The following ATG7 variants were observed in gnomAD, a reference collection of about 807,000 sequenced individuals.
The protein encoded by ATG7 is ubiquitin-like modifier-activating enzyme ATG7.
A neutral mutation model predicts 82.4 loss-of-function variants in ATG7; 70 were observed. That is an observed-to-expected ratio of 0.85 (90% confidence interval 0.70 to 1.04). The LOEUF is 1.04. ATG7 is among the 50% of genes least tolerant of loss of function. The pLI, the probability that ATG7 is intolerant of heterozygous loss-of-function variation, is 0.00. For missense variants in ATG7, 792 were observed against 864.3 expected (o/e 0.92, Z 1.05); for synonymous variants, 287 against 313.0 (o/e 0.92, Z 0.88).
rs369652535 is a variant in ATG7, at chr3:11,453,820, G to T, written c.2079+26894G>T. 2.4e-4 allele frequency among the ~76,000 whole-genome samples: 37 copies of T among 152,194 alleles called. 1 individual carries two copies. The highest frequency in any genetic ancestry group is 1.7e-3 in the South Asian group (8 of 4,802). On this transcript the variant is annotated intron_variant, in intron 20 of 20. Coordinates refer to ENST00000693202, the MANE Select transcript of ATG7 (RefSeq NM_001349232.2). ...TCAGTGATGGGGGAGTGCAAGGGGT[G>T]GGGGGGACATCTGGAGCCTGAAGCA...
At chr3:11,338,939 T>C (rs1188601563) in intron 11 of ATG7, among the ~76,000 whole-genome samples, 1 of 151,928 alleles carries the variant, frequency 6.6e-6, no homozygotes, top group Non-Finnish European at 1.5e-5. Context: ...AGCTGAAAAG[T>C]TTCCCAAGGA....
At chr3:11,339,654 G>A (rs1223216565) in intron 11 of ATG7, among the ~76,000 whole-genome samples, 1 of 152,228 alleles carries the variant, frequency 6.6e-6, no homozygotes, top group East Asian at 1.9e-4. Context: ...TAGCAGGTGT[G>A]TTCTGCAAAG....
chr3:11,513,685 GC>G (rs1166115848), intron 20 of ATG7, among the ~76,000 whole-genome samples: 1 of 152,238 alleles, frequency 6.6e-6, no homozygotes, highest in Non-Finnish European at 1.5e-5. Context: ...CCAGAAAGGG[GC>G]TCCCACAGTG....
In ATG7 at chr3:11,417,810, A is replaced by ATTT. The variant is rs368598930; in HGVS notation, c.1957-8992_1957-8990dup. Reference sequence around the variant, plus strand: ...ATTATTATTATTATTATTTTATTTTATTTTATTTTTTTTTTTTTTGAGACA... The same window carrying ATTT: ...ATTATTATTATTATTATTTTATTTTATTTTTTTATTTTTTTTTTTTTTGAGACA... On this transcript the variant is annotated intron_variant, in intron 19 of 20. Coordinates refer to ENST00000693202, the MANE Select transcript of ATG7 (RefSeq NM_001349232.2). 6.6e-4 allele frequency among the ~76,000 whole-genome samples: 65 copies of ATTT among 97,948 alleles called. 1 individual carries two copies. Among genetic ancestry groups the ATTT allele is most frequent in the African/African-American group, 2.5e-3 (57 of 22,984 alleles). 64.3% of individuals were successfully genotyped at this position (97,948 alleles called of 152,430 possible).
At chr3:11,401,711 T>C (rs538411402) in intron 19 of ATG7, among the ~76,000 whole-genome samples, 1 of 152,350 alleles carries the variant, frequency 6.6e-6, no homozygotes, top group East Asian at 1.9e-4. Context: ...CACTGGACTC[T>C]GGTTCTGCCT....
intron 20 of ATG7, among the ~76,000 whole-genome samples, chr3:11,485,927 C>T (rs1247400440): frequency 2.0e-5 from 3 of 152,114 alleles, no homozygotes; most frequent in Non-Finnish European, 2.9e-5. Flanking sequence ...CAGTACCATG[C>T]TGTTTTGGTT....
Position 11,555,149 on chromosome 3 carries a change from C to T in ATG7, c.*306C>T, listed in dbSNP as rs2072282829. The T allele has an allele frequency of 2.4e-6, 1 of 411,080 alleles. No homozygotes were observed. Among genetic ancestry groups the T allele is most frequent in the Non-Finnish European group, 4.4e-6 (1 of 229,304 alleles). 25.5% of individuals were successfully genotyped at this position (411,080 alleles called of 1,614,324 possible). A position where few individuals can be genotyped will look rare whatever the true frequency, so the allele number is the denominator to read the frequency against. On this transcript the variant is annotated 3_prime_UTR_variant, in exon 21 of 21. Transcript: ENST00000693202. The stretch of plus-strand genomic sequence containing the variant: ...TGATAGCCATCCCCCAGGATCCTTT[C>T]CCCTTGGCCCTGAGGGGGTGACCCA...
chr3:11,365,300 T>A (rs144827635), intron 18 of ATG7, among the ~76,000 whole-genome samples: 11 of 152,154 alleles, frequency 7.2e-5, no homozygotes, highest in African/African-American at 2.4e-4. Flanking sequence ...TAGGCAGGCA[T>A]GAGAAAAACA....
intron 9 of ATG7, among the ~76,000 whole-genome samples, chr3:11,329,050 G>A (rs910083306): frequency 3.3e-5 from 5 of 152,192 alleles, no homozygotes; most frequent in East Asian, 1.9e-4. Context: ...AGCCGAGATC[G>A]TGCCGCTGCA....
rs1417559065 is a variant in ATG7, at chr3:11,372,681, A to G, written c.1876-7291A>G. Among the ~76,000 whole-genome samples the G allele has an allele frequency of 1.2e-4, 18 of 150,852 alleles. 2 individuals are homozygous for G. The highest frequency in any genetic ancestry group is 5.3e-4 in the Admixed American group (8 of 15,088). On this transcript the variant is annotated intron_variant, in intron 18 of 20. Transcript: ENST00000693202. ...TGGACCATTTTTATTTTTTCTGTAT[A>G]TTTTACTGTACTAAGGGAAAAAAAA...
chr3:11,286,006 A>G (rs919525222), intron 3 of ATG7, among the ~76,000 whole-genome samples: 1 of 152,142 alleles, frequency 6.6e-6, no homozygotes, highest in Non-Finnish European at 1.5e-5. Context: ...ACTTCTGAAG[A>G]CTATAATCCT....
chr3:11,568,979 A>G, the ATG7 span: 30 of 1,153,556 alleles, frequency 2.6e-5, no homozygotes, highest in East Asian at 1.7e-3. This position sits in a 1 kb window ranked among gnomAD's most constrained non-coding sequence, Gnocchi z 5.9. Flanking sequence ...AGGGAAAGAG[A>G]GGCCTACAAC....
chr3:11,320,723 T>C (rs1950107003), intron 9 of ATG7, among the ~76,000 whole-genome samples: 1 of 152,238 alleles, frequency 6.6e-6, no homozygotes, highest in East Asian at 1.9e-4. Context: ...ATGCCTGGTG[T>C]GTAAAATGCA....
intron 20 of ATG7, among the ~76,000 whole-genome samples, chr3:11,519,564 T>G (rs933211106): frequency 6.2e-5 from 7 of 112,576 alleles, no homozygotes; most frequent in African/African-American, 1.3e-4. Context: ...TTTTTTTTTT[T>G]TTTTTTTTTT....
At chr3:11,393,416 G>A (rs2078974260) in intron 19 of ATG7, among the ~76,000 whole-genome samples, 1 of 145,318 alleles carries the variant, frequency 6.9e-6, no homozygotes, top group African/African-American at 2.5e-5. Flanking sequence ...GGGAGGGAGG[G>A]AGAAAGGGTT....
chr3:11,531,615 A>G (rs1295175831), intron 20 of ATG7, among the ~76,000 whole-genome samples: 3 of 152,210 alleles, frequency 2.0e-5, no homozygotes, highest in Non-Finnish European at 2.9e-5. Flanking sequence ...GCTCATGCCT[A>G]TAATCCAGCA....
chr3:11,470,176 T>C (rs1468421365), intron 20 of ATG7, among the ~76,000 whole-genome samples: 1 of 152,068 alleles, frequency 6.6e-6, no homozygotes, highest in African/African-American at 2.4e-5. Flanking sequence ...GCAGTGCAAA[T>C]TACTTCATCT....
intron 20 of ATG7, among the ~76,000 whole-genome samples, chr3:11,469,991 A>G (rs1055219600): frequency 5.3e-4 from 50 of 94,826 alleles, no homozygotes; most frequent in African/African-American, 1.9e-3. Flanking sequence ...TCCATCTCAA[A>G]AAAAAAAAAA....
intron 20 of ATG7, among the ~76,000 whole-genome samples, chr3:11,549,890 G>A (rs961947729): frequency 3.3e-5 from 5 of 152,150 alleles, no homozygotes; most frequent in South Asian, 2.1e-4. Context: ...CACAGACATC[G>A]GGCATCGCTG....
Sources: gnomAD v4.1 joint callset for allele counts (sites outside exome capture counted in the v4.1 genomes callset) on GRCh38, gnomAD v4.1.1 for gene constraint, Gnocchi (gnomAD v3.1) non-coding constraint, MANE v1.5 for transcripts, NCBI Gene and HGNC (gene_info 2026-07-23, HGNC 2026-07-21) for gene names.